DDX6: variants seen among roughly 807,000 people sequenced by gnomAD.
DDX6 encodes probable ATP-dependent RNA helicase DDX6.
In DDX6, 7 loss-of-function variants were observed where a neutral mutation model predicts 60.6. The observed-to-expected ratio is 0.12, with a 90% CI of 0.07 to 0.22. DDX6 has a LOEUF of 0.22. Ranked by LOEUF, DDX6 falls within the 10% of genes least tolerant of loss-of-function variation. DDX6 has a pLI of 1.00. For missense variants in DDX6, 270 were observed against 589.9 expected, an observed-to-expected ratio of 0.46 and a Z score of 5.62; for synonymous variants, 207 against 201.0, an observed-to-expected ratio of 1.03 and a Z score of -0.25.
In DDX6 at chr11:118,765,309, T is replaced by C. The variant is rs782712468; in HGVS notation, c.546A>G (p.Gln182=). The change falls in exon 6 of 14, where the codon CAA becomes CAG. Residue 182 remains glutamine (Q), a synonymous_variant. Coordinates refer to ENST00000534980, the MANE Select transcript of DDX6 (RefSeq NM_004397.6). The stretch of plus-strand genomic sequence containing the variant: ...TGTGTTTGCTGACCTGGATGCAAAT[T>C]TGACTGACCTGTAGAGCAAGTTCTC... ...PTRELALQVS[Q]ICIQVSKHMG... is the part of the protein sequence containing the mutation. The C allele has an allele frequency of 1.2e-6, 2 of 1,613,858 alleles. No individual in the cohort carries two copies. The highest frequency in any genetic ancestry group is 1.7e-6 in the Non-Finnish European group (2 of 1,179,890).
chr11:118,782,785 C>A (rs1405195118), intron 2 of DDX6, among the ~76,000 whole-genome samples: 2 of 152,070 alleles, frequency 1.3e-5, no homozygotes, highest in African/African-American at 4.8e-5. Flanking sequence ...GCTGGGATTA[C>A]AGGAGCTTGC....
At chr11:118,756,532 CAA>C (rs57041535) in intron 10 of DDX6, among the ~76,000 whole-genome samples, 9 of 151,996 alleles carry the variant, frequency 5.9e-5, no homozygotes, top group African/African-American at 1.9e-4. Context: ...ATGTAGTTAA[CAA>C]AAAAGTCATT....
intron 3 of DDX6, among the ~76,000 whole-genome samples, chr11:118,780,802 T>C (rs1555164530): frequency 6.6e-6 from 1 of 152,204 alleles, no homozygotes; most frequent in Non-Finnish European, 1.5e-5. Flanking sequence ...CACAAAATTC[T>C]TTGTTGTAAA....
rs1416818547 is a variant in DDX6 at position 118,750,790 on chromosome 11, A to G, written c.*1315T>C. The G allele has an allele frequency of 2.0e-5, 3 of 152,172 alleles. No individual in the cohort carries two copies. Among genetic ancestry groups the G allele is most frequent in the Non-Finnish European group, 4.4e-5 (3 of 68,008 alleles). 9.4% of individuals were successfully genotyped at this position (152,172 alleles called of 1,614,324 possible). ...CAGAGCTTCTCAAAATAAATGTTGA[A>G]TTATCAATGTTTTGAAGCTTCCTTG... On this transcript the variant is annotated 3_prime_UTR_variant, in exon 14 of 14. Transcript: ENST00000534980.
At chr11:118,787,498 C>CA (rs1862115998) in intron 1 of DDX6, 11 of 133,790 alleles carry the variant, frequency 8.2e-5, no homozygotes, top group African/African-American at 2.5e-4. Flanking sequence ...AAAAAAAAAA[C>CA]AAAAAACAAA....
At chr11:118,763,419 T>C in intron 6 of DDX6, 113 bp from the exon 7 acceptor site, 3 of 814,880 alleles carry the variant, frequency 3.7e-6, no homozygotes, top group Middle Eastern at 3.2e-4. Flanking sequence ...GAGAAATGCA[T>C]TGCTATGTGA....
rs1256871230 is a variant in DDX6 at position 118,751,063 on chromosome 11, A to G, written c.*1042T>C. ...CCTTCATCCAAAAAAAAATATATAT[A>G]TATGTATATATATATATATATATGA... On this transcript the variant is annotated 3_prime_UTR_variant, in exon 14 of 14. Coordinates refer to ENST00000534980, the MANE Select transcript of DDX6 (RefSeq NM_004397.6). The G allele has an allele frequency of 1.6e-5, 2 of 125,032 alleles. No individual in the cohort carries two copies. Among genetic ancestry groups the G allele is most frequent in the East Asian group, 2.1e-4 (1 of 4,756 alleles). The allele number at this position is 125,032 out of a possible 1,614,324, so 7.7% of individuals were successfully genotyped here. A position where few individuals can be genotyped will look rare whatever the true frequency, so the allele number is the denominator to read the frequency against.
In DDX6 at chr11:118,754,760, C is replaced by T. The variant is rs1444998248; in HGVS notation, c.1404G>A (p.Leu468=). 5 of 1,613,692 alleles carry T rather than the reference C, an allele frequency of 3.1e-6. No homozygotes were observed. The highest frequency in any genetic ancestry group is 1.1e-5 in the South Asian group (1 of 90,992). ...KPIPSNIDKS[L]YVAEYHSEPV... is the part of the protein sequence containing the mutation. ...GCTCGCTGTGGTATTCTGCCACATACAGGCTCTTATCAATGTTGCTCGGAA... is the reference window on the plus strand; with the variant it reads ...GCTCGCTGTGGTATTCTGCCACATATAGGCTCTTATCAATGTTGCTCGGAA... Residue 468 remains leucine, a synonymous_variant, in exon 13 of 14, where the codon CTG becomes CTA. Coordinates refer to ENST00000534980, the MANE Select transcript of DDX6 (RefSeq NM_004397.6).
intron 9 of DDX6, among the ~76,000 whole-genome samples, chr11:118,757,844 G>T (rs1861031097): frequency 6.6e-6 from 1 of 152,104 alleles, no homozygotes. Flanking sequence ...GCCCACTTCG[G>T]CTTCCCAAAG....
At chr11:118,753,053 A>T (rs1860832580) in intron 13 of DDX6, among the ~76,000 whole-genome samples, 1 of 152,210 alleles carries the variant, frequency 6.6e-6, no homozygotes, top group Admixed American at 6.5e-5. Flanking sequence ...TATGAGGCAG[A>T]GTTTCACTCT....
chr11:118,755,199 T>A (rs1860924552), intron 12 of DDX6, among the ~76,000 whole-genome samples: 1 of 152,212 alleles, frequency 6.6e-6, no homozygotes, highest in Non-Finnish European at 1.5e-5. Context: ...GTTAATTTCA[T>A]CTCAAATTAA....
rs782531778 is a variant in DDX6 at position 118,779,721 on chromosome 11, T to C, written c.280A>G (p.Lys94Glu). ...CAGTAATCTTCAAACTCATTTCCTT[T>C]TGTGGAGGTCACATCCTAGTCAAAC... Reference protein sequence around the residue: ...RIKTSDVTSTKGNEFEDYCLK... With the variant: ...RIKTSDVTSTEGNEFEDYCLK... Residue 94 changes from lysine to glutamate, a missense_variant, in exon 4 of 14, where the codon AAA becomes GAA. Transcript: ENST00000534980. 1 of 1,608,558 alleles carries C rather than the reference T, an allele frequency of 6.2e-7. No individual in the cohort carries two copies. The highest frequency in any genetic ancestry group is 8.5e-7 in the Non-Finnish European group (1 of 1,176,908).
intron 5 of DDX6, among the ~76,000 whole-genome samples, chr11:118,766,978 C>G (rs1460381818): frequency 2.0e-5 from 3 of 152,028 alleles, no homozygotes; most frequent in Non-Finnish European, 1.5e-5. Flanking sequence ...CTCCACCTCC[C>G]AGGTTCAAGC....
At chr11:118,760,338 C>CT (rs1426632906) in intron 7 of DDX6, among the ~76,000 whole-genome samples, 2 of 152,150 alleles carry the variant, frequency 1.3e-5, no homozygotes, top group Non-Finnish European at 2.9e-5. Flanking sequence ...GCATTTCACT[C>CT]TGTCACCCAG....
At chr11:118,753,861 G>C (rs1591880772) in intron 13 of DDX6, among the ~76,000 whole-genome samples, 1 of 152,228 alleles carries the variant, frequency 6.6e-6, no homozygotes, top group African/African-American at 2.4e-5. Flanking sequence ...TTAGGAGGCT[G>C]AGGCGGGTAG....
chr11:118,791,338 G>A (rs567510687), upstream of DDX6: 159 of 152,068 alleles, frequency 1.0e-3, no homozygotes, highest in African/African-American at 3.6e-3. Flanking sequence ...AGAGGAAGTC[G>A]GGCCGCGAAA....
chr11:118,767,840 C>G (rs568023694), intron 5 of DDX6: 1 of 156,190 alleles, frequency 6.4e-6, no homozygotes, highest in East Asian at 1.9e-4. Context: ...GCAATGTTGG[C>G]CAGGCTGGTC....
At chr11:118,791,296 C>CGCG (rs1297828937), upstream of DDX6, 1 of 152,168 alleles carries the variant, frequency 6.6e-6, no homozygotes, top group African/African-American at 2.4e-5. Flanking sequence ...CTATATTCGC[C>CGCG]GCGGCGTCAC....
In DDX6 at chr11:118,764,118, A is replaced by G. The variant is rs1285617010; in HGVS notation, c.647-812T>C. 1.3e-5 allele frequency among the ~76,000 whole-genome samples: 2 copies of G among 152,012 alleles called. 1 individual carries two copies. The highest frequency in any genetic ancestry group is 2.9e-5 in the Non-Finnish European group (2 of 67,990). On this transcript the variant is annotated intron_variant, in intron 6 of 13. Transcript: ENST00000534980. ...CATAAGAGCAATGCCTCTAATCTAG[A>G]GCAGTGAGCCGAGTATTGTTAAAAG...
Sources: allele counts gnomAD v4.1 joint callset (sites outside exome capture counted in the v4.1 genomes callset), GRCh38; gene constraint gnomAD v4.1.1; transcripts MANE v1.5; gene names NCBI Gene and HGNC (gene_info 2026-07-23, HGNC 2026-07-21).